Variants in CNTNAP2 observed in about 807,000 individuals in gnomAD.
CNTNAP2 encodes the protein contactin-associated protein-like 2.
Under a neutral mutation model 155.2 loss-of-function variants are expected in CNTNAP2, and 98 were observed. That is an observed-to-expected ratio of 0.63 (90% confidence interval 0.54 to 0.75). The LOEUF (loss-of-function observed/expected upper bound fraction) is 0.75, where lower values mean the gene tolerates loss of function less well. CNTNAP2 is among the 30% of genes least tolerant of loss of function. CNTNAP2 has a pLI of 0.00. For synonymous variants in CNTNAP2, 651 were observed against 631.2 expected, an observed-to-expected ratio of 1.03 and a Z score of -0.47; for missense variants, 1,727 against 1,688.1, an observed-to-expected ratio of 1.02 and a Z score of -0.40.
chr7:146,180,765 AT>A (rs1798538361), intron 1 of CNTNAP2, among the ~76,000 whole-genome samples: 1 of 152,170 alleles, frequency 6.6e-6, no homozygotes, highest in South Asian at 2.1e-4. Context: ...GAAGTTGTAT[AT>A]CATTGTCCTC....
intron 1 of CNTNAP2, among the ~76,000 whole-genome samples, chr7:146,323,610 A>G (rs1238734760): frequency 5.9e-5 from 9 of 152,140 alleles, no homozygotes; most frequent in Non-Finnish European, 8.8e-5. Flanking sequence ...GGTACACAAT[A>G]TTATCCATAA....
At chr7:148,051,769 T>C (rs1235951204) in intron 15 of CNTNAP2, among the ~76,000 whole-genome samples, 1 of 152,214 alleles carries the variant, frequency 6.6e-6, no homozygotes, top group Non-Finnish European at 1.5e-5. Flanking sequence ...ATTACAGACT[T>C]CAATGTGCAA....
intron 1 of CNTNAP2, among the ~76,000 whole-genome samples, chr7:146,376,692 A>G (rs978255893): frequency 6.6e-6 from 1 of 152,126 alleles, no homozygotes; most frequent in Admixed American, 6.5e-5. Flanking sequence ...GTATAAATGC[A>G]TGTGTCTCAT....
chr7:146,625,103 T>TA, intron 1 of CNTNAP2, among the ~76,000 whole-genome samples: 1 of 152,154 alleles, frequency 6.6e-6, no homozygotes, highest in Non-Finnish European at 1.5e-5. Context: ...CATTTTGATA[T>TA]ATATTAATTA....
chr7:148,009,339 C>T (rs1802032440), intron 15 of CNTNAP2, among the ~76,000 whole-genome samples: 2 of 152,120 alleles, frequency 1.3e-5, no homozygotes, highest in African/African-American at 2.4e-5. Flanking sequence ...CAAAGTACAG[C>T]GTCTACTGAA....
At chr7:147,427,254 C>T (rs1797393018) in intron 10 of CNTNAP2, among the ~76,000 whole-genome samples, 1 of 152,116 alleles carries the variant, frequency 6.6e-6, no homozygotes, top group African/African-American at 2.4e-5. Flanking sequence ...CCAAAAGTCA[C>T]ACTTCTTAAT....
intron 8 of CNTNAP2, among the ~76,000 whole-genome samples, chr7:147,266,129 G>A (rs1467652023): frequency 6.6e-6 from 1 of 152,152 alleles, no homozygotes; most frequent in Non-Finnish European, 1.5e-5. Context: ...AGAACTGGGT[G>A]GATGATGAGA....
At chr7:146,218,422 T>C (rs1799151339) in intron 1 of CNTNAP2, among the ~76,000 whole-genome samples, 1 of 151,998 alleles carries the variant, frequency 6.6e-6, no homozygotes, top group Admixed American at 6.6e-5. Flanking sequence ...GGCAGGAGAA[T>C]GGCGTGAACC....
intron 2 of CNTNAP2, among the ~76,000 whole-genome samples, chr7:146,782,610 T>A (rs1255172099): frequency 6.6e-6 from 1 of 152,194 alleles, no homozygotes; most frequent in African/African-American, 2.4e-5. Context: ...TAATATGGAA[T>A]AATTTGTCAT....
chr7:147,959,289 C>T (rs60744111), intron 14 of CNTNAP2, among the ~76,000 whole-genome samples: 2 of 152,058 alleles, frequency 1.3e-5, no homozygotes, highest in East Asian at 3.9e-4. Context: ...CTTATTCCAG[C>T]TCCTGCTTGG....
At chr7:146,735,687 G>GTATGTGCATATATATACATATGCATATA (rs140960235) in intron 1 of CNTNAP2, among the ~76,000 whole-genome samples, 2,512 of 150,118 alleles carry the variant, frequency 0.017, 97 homozygotes, top group African/African-American at 0.06. Context: ...ACATGTATAT[G>GTATGTGCATATATATACATATGCATATA]TATGTGCATA....
intron 11 of CNTNAP2, among the ~76,000 whole-genome samples, chr7:147,546,040 C>T (rs1004076621): frequency 6.6e-6 from 1 of 152,174 alleles, no homozygotes; most frequent in Admixed American, 6.5e-5. Context: ...CCATGTGGAA[C>T]AGTGAGTCAA....
intron 21 of CNTNAP2, among the ~76,000 whole-genome samples, chr7:148,278,934 C>T (rs1428144720): frequency 6.6e-6 from 1 of 152,148 alleles, no homozygotes; most frequent in Non-Finnish European, 1.5e-5. Context: ...GAGAGAATGG[C>T]AGTCCAAAGG....
chr7:147,470,706 C>T (rs908426475), intron 10 of CNTNAP2, among the ~76,000 whole-genome samples: 8 of 151,980 alleles, frequency 5.3e-5, no homozygotes, highest in Admixed American at 2.0e-4. Context: ...TGATTGAGGA[C>T]GACTGAGAAG....
At chr7:146,393,328 C>G (rs760364889) in intron 1 of CNTNAP2, among the ~76,000 whole-genome samples, 1 of 152,118 alleles carries the variant, frequency 6.6e-6, no homozygotes, top group Non-Finnish European at 1.5e-5. Flanking sequence ...TAATAGATGC[C>G]TCATTCCAGC....
chr7:148,305,298 G>A (rs1468030837), intron 21 of CNTNAP2, among the ~76,000 whole-genome samples: 2 of 114,084 alleles, frequency 1.8e-5, no homozygotes, highest in Non-Finnish European at 3.7e-5. Flanking sequence ...TCATTATATT[G>A]TTTTCTTCAT....
chr7:146,756,771 C>T (rs1802002339), intron 1 of CNTNAP2, among the ~76,000 whole-genome samples: 1 of 151,992 alleles, frequency 6.6e-6, no homozygotes, highest in South Asian at 2.1e-4. Context: ...ATCTTCCAAC[C>T]TTTCCTGTTC....
At chr7:147,140,451 T>C (rs979657969) in intron 8 of CNTNAP2, among the ~76,000 whole-genome samples, 5 of 152,052 alleles carry the variant, frequency 3.3e-5, no homozygotes, top group African/African-American at 1.2e-4. Flanking sequence ...GTTGACTTGA[T>C]TATTTTAGGT....
chr7:146,476,045 T>C (rs1480557311), intron 1 of CNTNAP2, among the ~76,000 whole-genome samples: 1 of 152,188 alleles, frequency 6.6e-6, no homozygotes, highest in Non-Finnish European at 1.5e-5. Flanking sequence ...AGGTGGTTGT[T>C]GAAACCGAAA....
Sources: gnomAD v4.1 joint callset for allele counts (sites outside exome capture counted in the v4.1 genomes callset) on GRCh38, gnomAD v4.1.1 for gene constraint, MANE v1.5 for transcripts, NCBI Gene and HGNC (gene_info 2026-07-23, HGNC 2026-07-21) for gene names.